The following PIK3R1 variants were observed in gnomAD, a reference collection of about 807,000 sequenced individuals.
The protein encoded by PIK3R1 is phosphoinositide-3-kinase regulatory subunit 1.
PIK3R1 carries 29 observed loss-of-function variants against 98.0 expected under a neutral mutation model. The observed-to-expected ratio is 0.30, with a 90% CI of 0.22 to 0.40. The LOEUF (loss-of-function observed/expected upper bound fraction) is 0.40. Among genes scored for constraint, PIK3R1 ranks in the 10% least tolerant of loss-of-function variants. The probability of loss-of-function intolerance (pLI) is 1.00; values close to 1 mark genes in which losing one functional copy is unlikely to be tolerated. For synonymous variants in PIK3R1, 282 were observed against 311.8 expected, an observed-to-expected ratio of 0.90 and a Z score of 1.01; for missense variants, 596 against 872.7, an observed-to-expected ratio of 0.68 and a Z score of 3.99.
chr5:68,216,427 C>T (rs1743884921), intron 1 of PIK3R1, among the ~76,000 whole-genome samples: 1 of 152,180 alleles, frequency 6.6e-6, no homozygotes, highest in Admixed American at 6.5e-5. Flanking sequence ...CAGCCAGGGT[C>T]GCTGCCCGGG....
intron 4 of PIK3R1, among the ~76,000 whole-genome samples, chr5:68,278,863 C>T (rs559774981): frequency 1.8e-4 from 28 of 152,164 alleles, no homozygotes; most frequent in African/African-American, 6.0e-4. Context: ...TCGCTTGAAC[C>T]CGGGAGGTGA....
In PIK3R1 at chr5:68,226,543, TG is replaced by T; in HGVS notation, c.-131del. 1.5e-6 allele frequency: 1 copy of T among 685,818 alleles called. No homozygotes were observed. Among genetic ancestry groups the T allele is most frequent in the Non-Finnish European group, 2.4e-6 (1 of 409,154 alleles). The allele number at this position is 685,818 out of a possible 1,614,324, so 42.5% of individuals were successfully genotyped here. On this transcript the variant is annotated 5_prime_UTR_variant, in exon 2 of 16. The change creates a premature stop within an existing upstream ORF in the 5' untranslated region. Transcript: ENST00000521381. The stretch of plus-strand genomic sequence containing the variant: ...CCTCTCCTCTTAAACCTTTGGAGAG[TG>T]GTCCTTTGTCCTCTGCTGGACACAT...
chr5:68,271,320 T>C (rs1184443197), intron 2 of PIK3R1, among the ~76,000 whole-genome samples: 1 of 152,196 alleles, frequency 6.6e-6, no homozygotes. Context: ...TAAGATGTGT[T>C]ACAGTGATGT....
chr5:68,217,649 T>C (rs946120752), intron 1 of PIK3R1: 1,601 of 135,850 alleles, frequency 0.012, 10 homozygotes, highest in Middle Eastern at 0.029. Flanking sequence ...TGTGTGTGTG[T>C]GTGTGCGCGC....
At chr5:68,262,530 C>A (rs862714) in intron 2 of PIK3R1, among the ~76,000 whole-genome samples, 121,277 of 141,828 alleles carry the variant, frequency 0.86, 51,847 homozygotes, top group African/African-American at 0.91. Context: ...AGATACATAG[C>A]TATATAGATA....
chr5:68,257,222 C>T (rs1189337312), intron 2 of PIK3R1, among the ~76,000 whole-genome samples: 1 of 152,220 alleles, frequency 6.6e-6, no homozygotes, highest in Non-Finnish European at 1.5e-5. Flanking sequence ...GATAGCTGCT[C>T]CATCCAGAGG....
At chr5:68,289,975 C>T (rs1747299120) in intron 7 of PIK3R1, among the ~76,000 whole-genome samples, 1 of 152,084 alleles carries the variant, frequency 6.6e-6, no homozygotes. Flanking sequence ...ATAATGTTGA[C>T]AGACAATTAC....
At chr5:68,288,635 G>T (rs540856634) in intron 7 of PIK3R1, 8 of 1,596,930 alleles carry the variant, frequency 5.0e-6, no homozygotes, top group East Asian at 2.2e-5. Flanking sequence ...GAACAGGCTG[G>T]GGGGAGGTGC....
At chr5:68,254,643 C>T (rs1396647367) in intron 2 of PIK3R1, among the ~76,000 whole-genome samples, 2 of 152,186 alleles carry the variant, frequency 1.3e-5, no homozygotes, top group Non-Finnish European at 2.9e-5. Context: ...TATCTTGGAG[C>T]TGGCCTGAAT....
In PIK3R1 at chr5:68,241,396, T is replaced by G. The variant is rs1010317454; in HGVS notation, c.334+14387T>G. ...TGGTTACAATTTTTTTTGTTTTTTT[T>G]TTTTTTACAGTACTGTTTTTAGTTC... On this transcript the variant is annotated intron_variant, in intron 2 of 15. Transcript: ENST00000521381. Among the ~76,000 whole-genome samples the G allele has an allele frequency of 4.0e-5, 6 of 151,864 alleles. No homozygotes were observed. The South Asian group carries it at 1.0e-3, about 26-fold the overall frequency.
In PIK3R1 at chr5:68,296,204, G is replaced by T. The variant is rs1230521136; in HGVS notation, c.1848G>T (p.Leu616Phe). The change falls in exon 15 of 16, where the codon TTG becomes TTT. Residue 616 changes from leucine (L) to phenylalanine (F), a missense_variant. Physicochemically the swap from Leu to Phe is conservative, Grantham distance 22. Around this residue, in one of 3 missense-constraint regions of PIK3R1, gnomAD observed 207 missense variants for 361.4 expected, o/e 0.57. Coordinates refer to ENST00000521381, the MANE Select transcript of PIK3R1 (RefSeq NM_181523.3). ...CACTGGTGGAAGATGATGAAGATTTGCCCCATCATGATGAGAAGACATGGA... is the reference window on the plus strand; with the variant it reads ...CACTGGTGGAAGATGATGAAGATTTTCCCCATCATGATGAGAAGACATGGA... ...QYSLVEDDED[L>F]PHHDEKTWNV... 1 of 1,614,132 alleles carries T rather than the reference G, an allele frequency of 6.2e-7. No homozygotes were observed. The highest frequency in any genetic ancestry group is 2.2e-5 in the East Asian group (1 of 44,878).
chr5:68,278,855 G>A (rs750792287), intron 4 of PIK3R1, among the ~76,000 whole-genome samples: 93 of 152,184 alleles, frequency 6.1e-4, no homozygotes, highest in African/African-American at 1.9e-3. Context: ...CAGGAGAATC[G>A]CTTGAACCCG....
intron 2 of PIK3R1, 113 bp from the exon 3 acceptor site, chr5:68,273,277 G>A: frequency 5.3e-6 from 5 of 951,770 alleles, no homozygotes; most frequent in Admixed American, 1.7e-5. Flanking sequence ...CCAGAGCAGG[G>A]GTTCTTCTTG....
chr5:68,227,754 G>T (rs1744334074), intron 2 of PIK3R1, among the ~76,000 whole-genome samples: 1 of 152,166 alleles, frequency 6.6e-6, no homozygotes, highest in Non-Finnish European at 1.5e-5. Flanking sequence ...AAAGTAAAGG[G>T]ATTTCACTTC....
rs1463705488 is a variant in PIK3R1, at chr5:68,301,432, A to ATATATATATGTGTG, written c.*3832_*3833insATATATATGTGTGT. On this transcript the variant is annotated 3_prime_UTR_variant, in exon 16 of 16. Coordinates refer to ENST00000521381, the MANE Select transcript of PIK3R1 (RefSeq NM_181523.3). ...TATATATATATATATATATATATAT[A>ATATATATATGTGTG]TGTGTGTGTATATATATATATATGT... 2.7e-5 allele frequency: 2 copies of ATATATATATGTGTG among 73,512 alleles called. No homozygotes were observed. The highest frequency in any genetic ancestry group is 5.8e-5 in the African/African-American group (1 of 17,280). The allele number at this position is 73,512 out of a possible 1,614,324, so 4.6% of individuals were successfully genotyped here.
rs1275410549 is a variant in PIK3R1, at chr5:68,298,346, G to A, written c.*745G>A. 4.3e-6 allele frequency: 1 copy of A among 233,128 alleles called. No homozygotes were observed. The highest frequency in any genetic ancestry group is 8.5e-6 in the Non-Finnish European group (1 of 117,868). 14.4% of individuals were successfully genotyped at this position (233,128 alleles called of 1,614,324 possible). On this transcript the variant is annotated 3_prime_UTR_variant, in exon 16 of 16. Coordinates refer to ENST00000521381, the MANE Select transcript of PIK3R1 (RefSeq NM_181523.3). ...TGGATGACTAACTATCAAATAGATG[G>A]ATTTGTATCAATACCAAATAGCTTC...
intron 2 of PIK3R1, among the ~76,000 whole-genome samples, chr5:68,253,841 A>C (rs1332295033): frequency 6.6e-6 from 1 of 152,196 alleles, no homozygotes; most frequent in Non-Finnish European, 1.5e-5. Flanking sequence ...TGGTGTAGTC[A>C]TATTCTCTCA....
intron 4 of PIK3R1, among the ~76,000 whole-genome samples, chr5:68,275,267 A>C (rs2112171943): frequency 6.6e-6 from 1 of 152,334 alleles, no homozygotes; most frequent in East Asian, 1.9e-4. Context: ...GTTAACATGC[A>C]GAACACTCAA....
At chr5:68,240,389 A>G (rs1744829515) in intron 2 of PIK3R1, among the ~76,000 whole-genome samples, 2 of 152,228 alleles carry the variant, frequency 1.3e-5, no homozygotes, top group African/African-American at 4.8e-5. Context: ...CTTAGGGGAA[A>G]CTTGAGAAAC....
Sources: allele counts gnomAD v4.1 joint callset (sites outside exome capture counted in the v4.1 genomes callset), GRCh38; gene constraint gnomAD v4.1.1; regional missense constraint gnomAD v4.1.1; transcripts MANE v1.5; gene names NCBI Gene and HGNC (gene_info 2026-07-23, HGNC 2026-07-21).